The following DIAPH3 variants were observed in gnomAD, a reference collection of about 807,000 sequenced individuals.
DIAPH3 encodes the protein protein diaphanous homolog 3.
A neutral mutation model predicts 144.3 loss-of-function variants in DIAPH3; 117 were observed. The observed-to-expected ratio is 0.81, with a 90% CI of 0.70 to 0.95. The LOEUF is 0.95. DIAPH3 is among the 40% of genes least tolerant of loss of function. The pLI, the probability that DIAPH3 is intolerant of heterozygous loss-of-function variation, is 0.00. For missense variants in DIAPH3, 1,421 were observed against 1,412.7 expected, an observed-to-expected ratio of 1.01 and a Z score of -0.09; for synonymous variants, 519 against 488.9, an observed-to-expected ratio of 1.06 and a Z score of -0.81.
At chr13:59,767,961 T>C (rs539895659) in intron 27 of DIAPH3, among the ~76,000 whole-genome samples, 12 of 152,196 alleles carry the variant, frequency 7.9e-5, no homozygotes, top group Admixed American at 5.9e-4. Context: ...ATAAATTAGA[T>C]AAGAAAAGCC....
At position 59,783,546 on chromosome 13, in the gene DIAPH3, C is replaced by T. The variant is rs868846594; in HGVS notation, c.3164-8723G>A. Reference sequence around the variant, plus strand: ...TTCAACTTAGAAGCATAGGTCGTACCTGAAACTATGGAAAAGAGTACAAGC... The same window carrying T: ...TTCAACTTAGAAGCATAGGTCGTACTTGAAACTATGGAAAAGAGTACAAGC... On this transcript the variant is annotated intron_variant, in intron 25 of 27. Transcript: ENST00000400324. 4.6e-5 allele frequency among the ~76,000 whole-genome samples: 7 copies of T among 152,216 alleles called. No homozygotes were observed. The Middle Eastern group carries it at 0.01, about 222-fold the overall frequency.
chr13:60,068,922 G>T (rs1052106835), intron 4 of DIAPH3, among the ~76,000 whole-genome samples: 1 of 126,142 alleles, frequency 7.9e-6, no homozygotes, highest in Non-Finnish European at 1.7e-5. Flanking sequence ...CCATGTCTTT[G>T]ATATTGTGAA....
chr13:59,678,917 G>C (rs908558248), intron 27 of DIAPH3, among the ~76,000 whole-genome samples: 1 of 152,128 alleles, frequency 6.6e-6, no homozygotes, highest in African/African-American at 2.4e-5. Context: ...TCTAAAATAT[G>C]AAGGGAGTAC....
At position 60,115,328 on chromosome 13, in the gene DIAPH3, C is replaced by A. The variant is rs1009401406; in HGVS notation, c.214-3142G>T. On this transcript the variant is annotated intron_variant, in intron 2 of 27. Transcript: ENST00000400324. ...TTTGTATGGGTCCCATGGTGTTACT[C>A]AGGGTTTACGGTATTGCACTAAACA... 6.6e-5 allele frequency among the ~76,000 whole-genome samples: 10 copies of A among 152,154 alleles called. No individual in the cohort carries two copies. The East Asian group carries it at 1.9e-3, about 29-fold the overall frequency.
At position 59,945,622 on chromosome 13, in the gene DIAPH3, A is replaced by G. The variant is rs1786894987; in HGVS notation, c.2075-20752T>C. 5.5e-5 allele frequency among the ~76,000 whole-genome samples: 6 copies of G among 108,470 alleles called. No individual in the cohort carries two copies. In the South Asian group the frequency reaches 1.9e-3, roughly 34 times the overall value. The allele number at this position is 108,470 out of a possible 152,430, so 71.2% of individuals were successfully genotyped here. A position where few individuals can be genotyped will look rare whatever the true frequency, so the allele number is the denominator to read the frequency against. On this transcript the variant is annotated intron_variant, in intron 17 of 27. Transcript: ENST00000400324. ...ATATCCAATTTCACTTGCTGACAGA[A>G]AAAAAAAAAAAGCCACACTAGCACT...
At chr13:60,151,350 C>T (rs574258954) in intron 1 of DIAPH3, among the ~76,000 whole-genome samples, 1 of 152,146 alleles carries the variant, frequency 6.6e-6, no homozygotes, top group Non-Finnish European at 1.5e-5. Context: ...TGATAATTTG[C>T]CCAAGGATAT....
At chr13:59,666,984 C>G in intron 27 of DIAPH3, 138 bp from the exon 28 acceptor site, 1 of 1,024,132 alleles carries the variant, frequency 9.8e-7, no homozygotes, top group Non-Finnish European at 1.4e-6. Context: ...AAACAGTCAA[C>G]AGAGTAAGAC....
intron 17 of DIAPH3, among the ~76,000 whole-genome samples, chr13:59,947,829 AAATT>A (rs1467684049): frequency 6.6e-6 from 1 of 152,160 alleles, no homozygotes; most frequent in African/African-American, 2.4e-5. Flanking sequence ...TCAGAAAAAT[AAATT>A]AATATCACTG....
At chr13:59,790,002 A>T (rs1459820434) in intron 25 of DIAPH3, among the ~76,000 whole-genome samples, 2 of 152,204 alleles carry the variant, frequency 1.3e-5, no homozygotes, top group African/African-American at 4.8e-5. Flanking sequence ...TTCAGGAAGT[A>T]GTTGGAAATA....
chr13:59,811,035 ATGGTGAG>A, intron 24 of DIAPH3, 112 bp from the exon 25 acceptor site: 1 of 1,001,162 alleles, frequency 1.0e-6, no homozygotes, highest in Non-Finnish European at 1.5e-6. Context: ...CTTTTAGATA[ATGGTGAG>A]TTATGTTAGT....
At chr13:59,980,617 T>C in intron 14 of DIAPH3, among the ~76,000 whole-genome samples, 178 bp downstream of exon 14, 2 of 151,460 alleles carry the variant, frequency 1.3e-5, no homozygotes, top group East Asian at 3.9e-4. Flanking sequence ...AAGGTCAAGG[T>C]TGGGAGTGGG....
chr13:59,954,072 G>A (rs2049248281), intron 17 of DIAPH3, among the ~76,000 whole-genome samples: 2 of 152,144 alleles, frequency 1.3e-5, no homozygotes, highest in South Asian at 2.1e-4. Context: ...CCTTCAAGAT[G>A]CACCTAGTAT....
At chr13:59,933,494 T>C (rs2048119418) in intron 17 of DIAPH3, among the ~76,000 whole-genome samples, 1 of 152,230 alleles carries the variant, frequency 6.6e-6, no homozygotes. Context: ...CTAAAGCCAG[T>C]ACAAAATACA....
At chr13:60,149,803 G>A (rs2138387442) in intron 1 of DIAPH3, among the ~76,000 whole-genome samples, 1 of 150,542 alleles carries the variant, frequency 6.6e-6, no homozygotes, top group Non-Finnish European at 1.5e-5. Context: ...CTAACCAGCA[G>A]CCCTTGGGGC....
intron 25 of DIAPH3, among the ~76,000 whole-genome samples, chr13:59,806,457 C>T (rs952308185): frequency 1.3e-5 from 2 of 151,970 alleles, no homozygotes; most frequent in African/African-American, 4.8e-5. Context: ...ATCTTACCAA[C>T]TTCTGAGGAT....
chr13:59,885,267 C>A (rs73543268), intron 20 of DIAPH3, among the ~76,000 whole-genome samples: 96 of 152,180 alleles, frequency 6.3e-4, no homozygotes, highest in African/African-American at 2.3e-3. Flanking sequence ...AAAAAGCTGG[C>A]ATAAACCCCA....
At chr13:59,892,465 G>T (rs1317753604) in intron 20 of DIAPH3, among the ~76,000 whole-genome samples, 1 of 151,792 alleles carries the variant, frequency 6.6e-6, no homozygotes, top group Non-Finnish European at 1.5e-5. Context: ...CATTTCTTCA[G>T]GAAGAAAGGA....
intron 19 of DIAPH3, among the ~76,000 whole-genome samples, chr13:59,915,364 A>G (rs888597176): frequency 6.6e-6 from 1 of 152,124 alleles, no homozygotes; most frequent in Non-Finnish European, 1.5e-5. Flanking sequence ...ACTTCCAAAG[A>G]TATCATTTAT....
intron 20 of DIAPH3, among the ~76,000 whole-genome samples, chr13:59,905,342 C>CAAAAAAAAAAAAAAAAAAAAAAAAA (rs59114311): frequency 1.4e-5 from 1 of 69,754 alleles, no homozygotes; most frequent in Non-Finnish European, 2.4e-5. Flanking sequence ...GACTCTGTCT[C>CAAAAAAAAAAAAAAAAAAAAAAAAA]AAAAAAAAAA....
Sources: gnomAD v4.1 joint callset for allele counts (sites outside exome capture counted in the v4.1 genomes callset) on GRCh38, gnomAD v4.1.1 for gene constraint, MANE v1.5 for transcripts, NCBI Gene and HGNC (gene_info 2026-07-23, HGNC 2026-07-21) for gene names.